The following ACOT7 variants were observed in gnomAD, a reference collection of about 807,000 sequenced individuals.
ACOT7 encodes the protein cytosolic acyl coenzyme A thioester hydrolase.
ACOT7 carries 12 observed loss-of-function variants against 40.2 expected under a neutral mutation model. The observed-to-expected ratio is 0.30, with a 90% CI of 0.19 to 0.48. The LOEUF (loss-of-function observed/expected upper bound fraction) is 0.48, where lower values mean the gene tolerates loss of function less well. Among genes scored for constraint, ACOT7 ranks in the 20% least tolerant of loss-of-function variants. ACOT7 has a pLI of 0.99. For missense variants in ACOT7, 395 were observed against 530.8 expected (o/e 0.74, Z 2.51); for synonymous variants, 228 against 219.5 (o/e 1.04, Z -0.34).
chr1:6,265,368 G>A (rs1016893440), intron 8 of ACOT7, among the ~76,000 whole-genome samples: 1 of 148,976 alleles, frequency 6.7e-6, no homozygotes, highest in African/African-American at 2.4e-5. Context: ...TGCTGCCTAT[G>A]GCCTTGAGAA....
chr1:6,378,618 A>T (rs1642279806), intron 1 of ACOT7, among the ~76,000 whole-genome samples: 1 of 151,986 alleles, frequency 6.6e-6, no homozygotes, highest in Admixed American at 6.5e-5. Context: ...AAGGCAGGGC[A>T]CAGAGACATC....
intron 8 of ACOT7, among the ~76,000 whole-genome samples, chr1:6,272,641 G>T (rs1033581462): frequency 6.6e-6 from 1 of 152,188 alleles, no homozygotes; most frequent in African/African-American, 2.4e-5. Flanking sequence ...TGGCCGCAAA[G>T]AGCCTTTGCC....
chr1:6,295,140 T>A, intron 6 of ACOT7, 160 bp from the exon 7 acceptor site: 3 of 512,294 alleles, frequency 5.9e-6, no homozygotes, highest in Middle Eastern at 4.1e-4. Context: ...GTGCTGTGGC[T>A]CACGCGCTAC....
intron 1 of ACOT7, among the ~76,000 whole-genome samples, chr1:6,375,207 G>A (rs1211120288): frequency 2.0e-5 from 3 of 149,130 alleles, no homozygotes; most frequent in African/African-American, 5.0e-5. Context: ...AGCTTGCAGT[G>A]AGCCAAGATC....
In ACOT7 at chr1:6,393,295, G is replaced by A. The variant is rs1467639101; in HGVS notation, c.105C>T (p.Gly35=). 5 of 1,284,434 alleles carry A rather than the reference G, an allele frequency of 3.9e-6. No homozygotes were observed. The highest frequency in any genetic ancestry group is 3.2e-5 in the Admixed American group (1 of 31,168). The allele number at this position is 1,284,434 out of a possible 1,614,324, so 79.6% of individuals were successfully genotyped here. ...TGGCGGACGGCGTCTCGACGTCTGG[G>A]CCCGACATGCTGGGGGCTGCGGCGG... ...ASAAAAPSMS[G]PDVETPSAIQ... Residue 35 remains glycine (G), a synonymous_variant, in exon 1 of 9, where the codon GGC becomes GGT. Coordinates refer to ENST00000361521, the MANE Select transcript of ACOT7 (RefSeq NM_007274.4).
rs183118793 is a variant in ACOT7, at chr1:6,345,603, A to G, written c.261+4146T>C. Among the ~76,000 whole-genome samples, 3 of 152,342 alleles carry G rather than the reference A, an allele frequency of 2.0e-5. No individual in the cohort carries two copies. In the East Asian group the frequency reaches 5.8e-4, roughly 29 times the overall value. ...CTCTCTGACATGCGGGGATAAGGCA[A>G]TTGACAAACGTCAAGTGCGTGGACC... On this transcript the variant is annotated intron_variant, in intron 2 of 8. Transcript: ENST00000361521.
rs376071703 is a variant in ACOT7 at position 6,281,244 on chromosome 1, T to C, written c.872A>G (p.Asn291Ser). The change falls in exon 8 of 9, where the codon AAT becomes AGT. Residue 291 changes from asparagine to serine, a missense_variant. Transcript: ENST00000361521. ...TISGRMTFTSNKSMEIEVLVD... is the reference protein window; with the variant it reads ...TISGRMTFTSSKSMEIEVLVD... The stretch of plus-strand genomic sequence containing the variant: ...CAACACCTCGATCTCCATGGACTTA[T>C]TGCTCGTGAAGGTCATGCGTCCCGA... 2.8e-5 allele frequency: 45 copies of C among 1,613,480 alleles called. No individual in the cohort carries two copies. Among genetic ancestry groups the C allele is most frequent in the Non-Finnish European group, 3.4e-5 (40 of 1,179,936 alleles).
rs1180898353 is a variant in ACOT7, at chr1:6,299,637, C to T, written c.713-4657G>A. Among the ~76,000 whole-genome samples, 1 of 142,676 alleles carries T rather than the reference C, an allele frequency of 7.0e-6. No individual in the cohort carries two copies. The highest frequency in any genetic ancestry group is 2.0e-4 in the East Asian group (1 of 4,930). The allele number at this position is 142,676 out of a possible 152,430, so 93.6% of individuals were successfully genotyped here. ...CTCCTGACTAGGTACTAGGTCATGG[C>T]TTCAGAGAGAGAGAGAGAGAGAGCG... On this transcript the variant is annotated intron_variant, in intron 6 of 8. Coordinates refer to ENST00000361521, the MANE Select transcript of ACOT7 (RefSeq NM_007274.4). This position sits in a 1 kb window ranked among gnomAD's most constrained non-coding sequence, Gnocchi z 4.1.
chr1:6,310,418 C>T (rs112936874), intron 6 of ACOT7, among the ~76,000 whole-genome samples: 9,883 of 152,280 alleles, frequency 0.065, 957 homozygotes, highest in African/African-American at 0.21. Flanking sequence ...CGCCCACCAG[C>T]GTGGGAGGAT....
intron 4 of ACOT7, among the ~76,000 whole-genome samples, chr1:6,331,607 G>A (rs367726672): frequency 2.0e-5 from 3 of 152,172 alleles, no homozygotes; most frequent in Non-Finnish European, 4.4e-5. Flanking sequence ...ATGAGACCTC[G>A]GACTCCACAC....
chr1:6,319,559 T>C (rs1316603591), intron 5 of ACOT7, among the ~76,000 whole-genome samples: 2 of 152,240 alleles, frequency 1.3e-5, no homozygotes, highest in Non-Finnish European at 2.9e-5. Context: ...GAAAATGGAA[T>C]TACCATGAGC....
chr1:6,324,037 G>A (rs1435241703), intron 5 of ACOT7, among the ~76,000 whole-genome samples: 1 of 151,924 alleles, frequency 6.6e-6, no homozygotes, highest in Non-Finnish European at 1.5e-5. Context: ...CCAGTGCCAA[G>A]CACATACGCA....
Position 6,321,782 on chromosome 1 carries a change from G to A in ACOT7, c.626-3204C>T, listed in dbSNP as rs372582852. Reference sequence around the variant, plus strand: ...CTCCCAAAGTGCTGGGATGACAGGCGTAAGCCACCGGGCCCAGCCAAGGCT... The same window carrying A: ...CTCCCAAAGTGCTGGGATGACAGGCATAAGCCACCGGGCCCAGCCAAGGCT... On this transcript the variant is annotated intron_variant, in intron 5 of 8. Coordinates refer to ENST00000361521, the MANE Select transcript of ACOT7 (RefSeq NM_007274.4). Among the ~76,000 whole-genome samples, 135 of 152,312 alleles carry A rather than the reference G, an allele frequency of 8.9e-4. 1 individual carries two copies. Among genetic ancestry groups the A allele is most frequent in the African/African-American group, 2.9e-3 (121 of 41,560 alleles).
At chr1:6,376,753 G>A (rs1049228916) in intron 1 of ACOT7, among the ~76,000 whole-genome samples, 1 of 149,770 alleles carries the variant, frequency 6.7e-6, no homozygotes, top group Non-Finnish European at 1.5e-5. Context: ...AAAATTAGCT[G>A]GGCGTGGTGG....
intron 4 of ACOT7, among the ~76,000 whole-genome samples, chr1:6,331,232 C>T (rs562827007): frequency 1.3e-5 from 2 of 152,342 alleles, no homozygotes; most frequent in South Asian, 2.1e-4. Context: ...TGTATATCCA[C>T]CTGAAACCTC....
chr1:6,379,000 A>G (rs915809511), intron 1 of ACOT7, among the ~76,000 whole-genome samples: 6 of 151,558 alleles, frequency 4.0e-5, no homozygotes, highest in African/African-American at 1.5e-4. Context: ...GGTTCACACC[A>G]TTCTCCTGCC....
intron 2 of ACOT7, among the ~76,000 whole-genome samples, chr1:6,343,476 G>A (rs1162066403): frequency 6.6e-6 from 1 of 152,266 alleles, no homozygotes; most frequent in Non-Finnish European, 1.5e-5. Flanking sequence ...GGCAAGGGTG[G>A]CCCGATGCTT....
intron 8 of ACOT7, among the ~76,000 whole-genome samples, chr1:6,273,552 G>T (rs1195359839): frequency 1.3e-5 from 2 of 152,220 alleles, no homozygotes; most frequent in Admixed American, 6.5e-5. Context: ...GGGGCAGGAG[G>T]GGGGCAGGGC....
In ACOT7 at chr1:6,349,969, C is replaced by T. The variant is rs1403824076; in HGVS notation, c.144-103G>A. On this transcript the variant is annotated intron_variant, in intron 1 of 8. Transcript: ENST00000361521. The stretch of plus-strand genomic sequence containing the variant: ...AAGGTCCCCAAAGGGCTCAATGGCT[C>T]CCGGAGGAAAGAGAACCTTCCCAAT... 3 of 1,142,438 alleles carry T rather than the reference C, an allele frequency of 2.6e-6. No homozygotes were observed. In the African/African-American group the frequency reaches 4.6e-5, roughly 17 times the overall value. 70.8% of individuals were successfully genotyped at this position (1,142,438 alleles called of 1,614,324 possible).
Sources: allele counts gnomAD v4.1 joint callset (sites outside exome capture counted in the v4.1 genomes callset), GRCh38; gene constraint gnomAD v4.1.1; non-coding constraint Gnocchi (gnomAD v3.1); transcripts MANE v1.5; gene names NCBI Gene and HGNC (gene_info 2026-07-23, HGNC 2026-07-21).